The following PAPSS1 variants were observed in gnomAD, a reference collection of about 807,000 sequenced individuals.
PAPSS1 encodes 3'-phosphoadenosine 5'-phosphosulfate synthase 1, also known as bifunctional 3'-phosphoadenosine 5'-phosphosulfate synthase 1.
Under a neutral mutation model 72.0 loss-of-function variants are expected in PAPSS1, and 50 were observed. The observed-to-expected ratio is 0.69, with a 90% CI of 0.55 to 0.88. The LOEUF is 0.88. Among genes scored for constraint, PAPSS1 ranks in the 40% least tolerant of loss-of-function variants. The probability of loss-of-function intolerance (pLI) is 0.00; values close to 1 mark genes in which losing one functional copy is unlikely to be tolerated. For missense variants in PAPSS1, 657 were observed against 782.2 expected, an observed-to-expected ratio of 0.84 and a Z score of 1.91; for synonymous variants, 261 against 263.6, an observed-to-expected ratio of 0.99 and a Z score of 0.09.
chr4:107,699,574 C>T (rs974400030), intron 2 of PAPSS1, among the ~76,000 whole-genome samples: 1 of 152,034 alleles, frequency 6.6e-6, no homozygotes, highest in African/African-American at 2.4e-5. Context: ...GTCCCTCACA[C>T]TATACACAAA....
At chr4:107,691,288 G>A (rs1283480052) in intron 3 of PAPSS1, among the ~76,000 whole-genome samples, 6 of 152,070 alleles carry the variant, frequency 3.9e-5, no homozygotes, top group Admixed American at 3.9e-4. Context: ...CAGGCACTGT[G>A]CTGAGGCTTT....
At chr4:107,643,475 G>A (rs1036444444) in intron 10 of PAPSS1, among the ~76,000 whole-genome samples, 38 of 152,060 alleles carry the variant, frequency 2.5e-4, no homozygotes, top group African/African-American at 8.2e-4. Flanking sequence ...ACTGTAGCTC[G>A]ACCTCCCTCT....
intron 11 of PAPSS1, among the ~76,000 whole-genome samples, chr4:107,625,358 C>A (rs117293085): frequency 6.6e-6 from 1 of 152,226 alleles, no homozygotes; most frequent in East Asian, 1.9e-4. Flanking sequence ...TCAAATTTTC[C>A]TGTCTTGTAG....
chr4:107,684,928 T>C (rs1035696377), intron 4 of PAPSS1, among the ~76,000 whole-genome samples: 11 of 151,986 alleles, frequency 7.2e-5, no homozygotes, highest in Non-Finnish European at 1.3e-4. Context: ...TTTTTTTAGA[T>C]GGAGTCTCGC....
At chr4:107,618,599 G>A (rs1195127559) in intron 11 of PAPSS1, among the ~76,000 whole-genome samples, 1 of 151,922 alleles carries the variant, frequency 6.6e-6, no homozygotes, top group African/African-American at 2.4e-5. Context: ...GTGGGGGAGT[G>A]GAGAGAGACA....
chr4:107,697,883 C>T (rs1390754295), intron 2 of PAPSS1, among the ~76,000 whole-genome samples: 1 of 152,088 alleles, frequency 6.6e-6, no homozygotes, highest in Non-Finnish European at 1.5e-5. Flanking sequence ...GATCCAACAG[C>T]TGGTGTTCTT....
At chr4:107,679,765 AC>A (rs139564079) in intron 5 of PAPSS1, among the ~76,000 whole-genome samples, 5,258 of 150,294 alleles carry the variant, frequency 0.035, 284 homozygotes, top group African/African-American at 0.12. Flanking sequence ...TGCAACTTCC[AC>A]CCCCCCAGAT....
Position 107,655,105 on chromosome 4 carries a change from T to TAAA in PAPSS1, c.896-208_896-206dup, listed in dbSNP as rs61591737. ...GAGAATGAGCAACGATCTCCCAAGTTAAAAAAAAAAAAAAAAAAGGAAAAA... is the reference window on the plus strand; with the variant it reads ...GAGAATGAGCAACGATCTCCCAAGTTAAAAAAAAAAAAAAAAAAAAAGGAAAAA... On this transcript the variant is annotated intron_variant, in intron 7 of 11. Transcript: ENST00000265174. Among the ~76,000 whole-genome samples, 111 of 117,700 alleles carry TAAA rather than the reference T, an allele frequency of 9.4e-4. No individual in the cohort carries two copies. In the South Asian group the frequency reaches 0.011, roughly 11 times the overall value. The allele number at this position is 117,700 out of a possible 152,430, so 77.2% of individuals were successfully genotyped here.
At chr4:107,664,967 A>G (rs1002801865) in intron 5 of PAPSS1, among the ~76,000 whole-genome samples, 7 of 152,194 alleles carry the variant, frequency 4.6e-5, no homozygotes, top group Non-Finnish European at 1.0e-4. Flanking sequence ...ACACCCAACA[A>G]TATTTTTAAA....
intron 11 of PAPSS1, among the ~76,000 whole-genome samples, chr4:107,624,880 T>A (rs1215510867): frequency 1.3e-5 from 2 of 152,142 alleles, no homozygotes; most frequent in Admixed American, 6.5e-5. Context: ...AGTTTCCCAA[T>A]ACTCTAACAG....
At chr4:107,719,850 G>A (rs1365702131) in intron 1 of PAPSS1, 2 of 1,336,718 alleles carry the variant, frequency 1.5e-6, no homozygotes, top group African/African-American at 3.1e-5. Context: ...TACCTGAGCG[G>A]AGGCGCTGGG....
chr4:107,699,478 T>G (rs1463274131), intron 2 of PAPSS1, among the ~76,000 whole-genome samples: 1 of 152,066 alleles, frequency 6.6e-6, no homozygotes, highest in Non-Finnish European at 1.5e-5. Context: ...AAGCAGACAC[T>G]GCAGATCAGA....
At chr4:107,618,108 C>G (rs1725869471) in intron 11 of PAPSS1, among the ~76,000 whole-genome samples, 1 of 151,828 alleles carries the variant, frequency 6.6e-6, no homozygotes, top group South Asian at 2.1e-4. Flanking sequence ...GAGAAGCTCT[C>G]CAAAGAAAGA....
intron 10 of PAPSS1, among the ~76,000 whole-genome samples, chr4:107,634,831 G>A (rs1199211577): frequency 2.4e-5 from 3 of 123,810 alleles, no homozygotes; most frequent in Middle Eastern, 6.8e-3. Flanking sequence ...ATGGAGTCTC[G>A]CTGTGTCGCC....
At chr4:107,698,170 T>C (rs1446724323) in intron 2 of PAPSS1, among the ~76,000 whole-genome samples, 1 of 152,000 alleles carries the variant, frequency 6.6e-6, no homozygotes, top group Non-Finnish European at 1.5e-5. Context: ...TTCCCTAAAA[T>C]AAAATCTGAT....
At chr4:107,645,637 A>G (rs1726673342) in intron 9 of PAPSS1, among the ~76,000 whole-genome samples, 1 of 152,234 alleles carries the variant, frequency 6.6e-6, no homozygotes, top group African/African-American at 2.4e-5. Context: ...TTTAGCAACA[A>G]CAATATCCCT....
rs763858877 is a variant in PAPSS1, at chr4:107,694,184, C to A, written c.176-178G>T. 4.1e-4 allele frequency: 230 copies of A among 566,252 alleles called. 1 individual carries two copies. The highest frequency in any genetic ancestry group is 4.9e-4 in the Admixed American group (15 of 30,610). The allele number at this position is 566,252 out of a possible 1,614,324, so 35.1% of individuals were successfully genotyped here. A position where few individuals can be genotyped will look rare whatever the true frequency, so the allele number is the denominator to read the frequency against. On this transcript the variant is annotated intron_variant, in intron 2 of 11. Coordinates refer to ENST00000265174, the MANE Select transcript of PAPSS1 (RefSeq NM_005443.5). ...ACTCAAGAGATCATGCCTCAGCCTT[C>A]CAAATAGCTAGGACAACAGGCACAT...
intron 1 of PAPSS1, among the ~76,000 whole-genome samples, chr4:107,711,469 T>C (rs1218563908): frequency 6.6e-6 from 1 of 152,148 alleles, no homozygotes; most frequent in Non-Finnish European, 1.5e-5. Context: ...ATTTCATATT[T>C]TGTGAATTTT....
rs141947963 is a variant in PAPSS1, at chr4:107,663,393, G to A, written c.670-3321C>T. ...GTTGTTTAAAAAAAAGTACAAAAAA[G>A]ATACACACATATATGTTACAGGGCT... On this transcript the variant is annotated intron_variant, in intron 5 of 11. Coordinates refer to ENST00000265174, the MANE Select transcript of PAPSS1 (RefSeq NM_005443.5). Among the ~76,000 whole-genome samples the A allele has an allele frequency of 6.8e-3, 1,040 of 152,182 alleles. 4 individuals are homozygous for A. Among genetic ancestry groups the A allele is most frequent in the Non-Finnish European group, 0.011 (761 of 67,984 alleles).
Sources: gnomAD v4.1 joint callset for allele counts (sites outside exome capture counted in the v4.1 genomes callset) on GRCh38, gnomAD v4.1.1 for gene constraint, MANE v1.5 for transcripts, NCBI Gene and HGNC (gene_info 2026-07-23, HGNC 2026-07-21) for gene names.